The following LAPTM5 variants were observed in gnomAD, a reference collection of about 807,000 sequenced individuals.
LAPTM5 encodes lysosomal protein transmembrane 5.
LAPTM5 carries 11 observed loss-of-function variants against 30.1 expected under a neutral mutation model. That is an observed-to-expected ratio of 0.37 (90% CI 0.23 to 0.60). The LOEUF is 0.60. Among genes scored for constraint, LAPTM5 ranks in the 20% least tolerant of loss-of-function variants. The pLI is 0.71. For synonymous variants in LAPTM5, 151 were observed against 137.9 expected (o/e 1.10, Z -0.67); for missense variants, 324 against 332.5 (o/e 0.97, Z 0.20).
intron 1 of LAPTM5, among the ~76,000 whole-genome samples, chr1:30,747,029 G>A (rs1178821954): frequency 6.6e-6 from 1 of 152,104 alleles, no homozygotes; most frequent in Non-Finnish European, 1.5e-5. Flanking sequence ...AGTCTCCAGG[G>A]AACTCGATAC....
chr1:30,748,763 C>A (rs756534535), intron 1 of LAPTM5, among the ~76,000 whole-genome samples: 1 of 152,242 alleles, frequency 6.6e-6, no homozygotes, highest in African/African-American at 2.4e-5. Context: ...CACTCTTCCG[C>A]AGTTCTCGTC....
rs981917687 is a variant in LAPTM5 at position 30,745,532 on chromosome 1, C to T, written c.88-2983G>A. Among the ~76,000 whole-genome samples, 6 of 152,140 alleles carry T rather than the reference C, an allele frequency of 3.9e-5. No homozygotes were observed. The South Asian group carries it at 1.0e-3, about 26-fold the overall frequency. ...AACCCAGGCTCACCCTCCCCCATTTCACCTTTTCTCAACAACCCTGCGGCA... is the reference window on the plus strand; with the variant it reads ...AACCCAGGCTCACCCTCCCCCATTTTACCTTTTCTCAACAACCCTGCGGCA... On this transcript the variant is annotated intron_variant, in intron 1 of 7. Coordinates refer to ENST00000294507, the MANE Select transcript of LAPTM5 (RefSeq NM_006762.3).
chr1:30,753,828 G>A (rs1254782676), intron 1 of LAPTM5, among the ~76,000 whole-genome samples: 1 of 152,202 alleles, frequency 6.6e-6, no homozygotes, highest in African/African-American at 2.4e-5. Context: ...ACGTTGAGAC[G>A]TTAGCAATAG....
intron 1 of LAPTM5, among the ~76,000 whole-genome samples, chr1:30,756,864 T>G (rs1215216560): frequency 7.9e-5 from 12 of 151,330 alleles, no homozygotes; most frequent in Admixed American, 7.9e-4. Context: ...GGGAGTAGGG[T>G]GGGTCTAGGC....
At chr1:30,757,623 C>T (rs1463085381) in intron 1 of LAPTM5, 36 bp downstream of exon 1, 21 of 1,599,628 alleles carry the variant, frequency 1.3e-5, no homozygotes, top group Non-Finnish European at 1.8e-5. Flanking sequence ...CTCACACAAG[C>T]ACGCACGCAC....
chr1:30,747,184 A>G (rs1640060904), intron 1 of LAPTM5, among the ~76,000 whole-genome samples: 1 of 152,192 alleles, frequency 6.6e-6, no homozygotes, highest in East Asian at 1.9e-4. Flanking sequence ...GGCAAGTAGG[A>G]GTTTTCCAAC....
intron 6 of LAPTM5, among the ~76,000 whole-genome samples, chr1:30,736,301 G>A (rs562275884): frequency 6.6e-6 from 1 of 152,278 alleles, no homozygotes; most frequent in South Asian, 2.1e-4. Flanking sequence ...CAGGAGCTGG[G>A]GTCTGCAGAT....
At chr1:30,755,173 T>C (rs1303005798) in intron 1 of LAPTM5, among the ~76,000 whole-genome samples, 1 of 152,040 alleles carries the variant, frequency 6.6e-6, no homozygotes, top group Non-Finnish European at 1.5e-5. Flanking sequence ...TCATCACTCA[T>C]AGGCATTGGT....
intron 7 of LAPTM5, among the ~76,000 whole-genome samples, chr1:30,734,210 G>T (rs1452344734): frequency 6.6e-6 from 1 of 152,160 alleles, no homozygotes; most frequent in Non-Finnish European, 1.5e-5. Flanking sequence ...CAGAAGAACT[G>T]GTCCCATCCC....
At position 30,739,493 on chromosome 1, in the gene LAPTM5, A is replaced by T; in HGVS notation, c.387+316T>A. Among the ~76,000 whole-genome samples, 1 of 152,110 alleles carries T rather than the reference A, an allele frequency of 6.6e-6. No homozygotes were observed. Among genetic ancestry groups the T allele is most frequent in the South Asian group, 2.1e-4 (1 of 4,826 alleles). On this transcript the variant is annotated intron_variant, in intron 4 of 7. Transcript: ENST00000294507. This position sits in a 1 kb window ranked among gnomAD's most constrained non-coding sequence, Gnocchi z 4.2. Reference sequence around the variant, plus strand: ...CTGGGGGCTGGGGGCTAAAAAGCGCACATGTCCTTTCCTCAGGTGTCAATT... The same window carrying T: ...CTGGGGGCTGGGGGCTAAAAAGCGCTCATGTCCTTTCCTCAGGTGTCAATT...
Position 30,733,777 on chromosome 1 carries a change from TTA to T in LAPTM5, c.*49_*50del. On this transcript the variant is annotated 3_prime_UTR_variant, in exon 8 of 8. Transcript: ENST00000294507. ...GGGGCCACCAAAGCAAAAAAGCAGA[TTA>T]TGAGGCAGCTCCACCCCTCCCAGCA... The T allele has an allele frequency of 6.3e-7, 1 of 1,578,840 alleles. No homozygotes were observed. Among genetic ancestry groups the T allele is most frequent in the Non-Finnish European group, 8.6e-7 (1 of 1,166,296 alleles).
intron 1 of LAPTM5, among the ~76,000 whole-genome samples, chr1:30,749,409 G>A (rs1347472175): frequency 2.6e-5 from 4 of 152,184 alleles, no homozygotes; most frequent in Non-Finnish European, 5.9e-5. Context: ...GAGGTCACAT[G>A]GGTGTGTTCA....
At chr1:30,749,566 A>G (rs1281486043) in intron 1 of LAPTM5, among the ~76,000 whole-genome samples, 2 of 152,232 alleles carry the variant, frequency 1.3e-5, no homozygotes, top group African/African-American at 2.4e-5. Context: ...AAGATGAATC[A>G]GGCTGGGTCA....
Position 30,733,226 on chromosome 1 carries a change from T to A in LAPTM5, c.*602A>T, listed in dbSNP as rs1639836934. On this transcript the variant is annotated 3_prime_UTR_variant, in exon 8 of 8. Coordinates refer to ENST00000294507, the MANE Select transcript of LAPTM5 (RefSeq NM_006762.3). ...TAAATGGTTTGGAGGCTAACGTGAT[T>A]TTTTAAATTGAATTTCATCACTATT... 6.0e-6 allele frequency: 1 copy of A among 166,986 alleles called. No individual in the cohort carries two copies. Among genetic ancestry groups the A allele is most frequent in the Admixed American group, 6.1e-5 (1 of 16,344 alleles). 10.3% of individuals were successfully genotyped at this position (166,986 alleles called of 1,614,324 possible).
chr1:30,751,814 G>A (rs904737225), intron 1 of LAPTM5, among the ~76,000 whole-genome samples: 6 of 152,166 alleles, frequency 3.9e-5, no homozygotes, highest in East Asian at 1.9e-4. Context: ...CCCTCCACCC[G>A]GCTTCGCTAG....
intron 1 of LAPTM5, among the ~76,000 whole-genome samples, chr1:30,756,280 G>A (rs191036028): frequency 6.8e-4 from 103 of 152,312 alleles, no homozygotes; most frequent in African/African-American, 2.3e-3. Context: ...GAGCTCGGAA[G>A]GACAACCTCT....
chr1:30,743,381 C>T (rs945113574), intron 1 of LAPTM5, among the ~76,000 whole-genome samples: 5 of 152,150 alleles, frequency 3.3e-5, no homozygotes, highest in African/African-American at 7.2e-5. Context: ...GTGGAAGGGG[C>T]GAATCTGATA....
intron 6 of LAPTM5, among the ~76,000 whole-genome samples, chr1:30,736,608 T>A (rs1319333725): frequency 2.0e-5 from 3 of 152,060 alleles, no homozygotes; most frequent in East Asian, 3.9e-4. Flanking sequence ...TTTTTTTTTT[T>A]TATGTTTTGT....
chr1:30,749,589 G>A (rs1640100713), intron 1 of LAPTM5, among the ~76,000 whole-genome samples: 1 of 152,224 alleles, frequency 6.6e-6, no homozygotes, highest in Non-Finnish European at 1.5e-5. Flanking sequence ...ACCCAAACGA[G>A]CATCCAGGCC....
Sources: gnomAD v4.1 joint callset for allele counts (sites outside exome capture counted in the v4.1 genomes callset) on GRCh38, gnomAD v4.1.1 for gene constraint, Gnocchi (gnomAD v3.1) non-coding constraint, MANE v1.5 for transcripts, NCBI Gene and HGNC (gene_info 2026-07-23, HGNC 2026-07-21) for gene names.